Variants in KANK1 observed in about 807,000 individuals in gnomAD.
The protein encoded by KANK1 is KN motif and ankyrin repeat domains 1, also known as KN motif and ankyrin repeat domain-containing protein 1.
In KANK1, 109 loss-of-function variants were observed where a neutral mutation model predicts 106.2. That is an observed-to-expected ratio of 1.03 (90% CI 0.88 to 1.20). The LOEUF is 1.20. Among genes scored for constraint, KANK1 ranks in the 50% most tolerant of loss-of-function variants. KANK1 has a pLI of 0.00. For missense variants in KANK1, 2,399 were observed against 1,710.7 expected, an observed-to-expected ratio of 1.40 and a Z score of -7.10; for synonymous variants, 873 against 652.2, an observed-to-expected ratio of 1.34 and a Z score of -5.16.
At chr9:497,403 T>C (rs1033651411) in intron 3 of KANK1, among the ~76,000 whole-genome samples, 4 of 151,278 alleles carry the variant, frequency 2.6e-5, no homozygotes, top group East Asian at 1.9e-4. Flanking sequence ...GGGAGACTCA[T>C]TGGTGCTCAG....
chr9:529,253 A>T (rs1324480394), intron 1 of KANK1, among the ~76,000 whole-genome samples: 1 of 151,032 alleles, frequency 6.6e-6, no homozygotes, highest in South Asian at 2.1e-4. Flanking sequence ...ACACACACAC[A>T]CATATACACA....
chr9:605,836 T>C (rs1828971355), intron 1 of KANK1, among the ~76,000 whole-genome samples: 2 of 151,728 alleles, frequency 1.3e-5, no homozygotes, highest in South Asian at 2.1e-4. Flanking sequence ...GATTTTATTA[T>C]GGGTTGAGCA....
chr9:497,790 G>A (rs2058480290), intron 3 of KANK1, among the ~76,000 whole-genome samples: 1 of 151,686 alleles, frequency 6.6e-6, no homozygotes, highest in South Asian at 2.1e-4. Context: ...GAGGTCAAGG[G>A]TGCAGTGAGC....
chr9:536,576 G>A (rs542644136), intron 1 of KANK1, among the ~76,000 whole-genome samples: 1 of 152,054 alleles, frequency 6.6e-6, no homozygotes, highest in Non-Finnish European at 1.5e-5. Flanking sequence ...TCCCTTTTAC[G>A]CCTGACATTT....
chr9:601,994 A>C lies in KANK1; in HGVS notation c.-83-74896A>C, dbSNP rs115710731. On this transcript the variant is annotated intron_variant, in intron 1 of 11. Coordinates refer to ENST00000382297, the MANE Select transcript of KANK1 (RefSeq NM_015158.5). Reference sequence around the variant, plus strand: ...TCTTTCCTGTGAACATGGTTGTACCAGGTCTGAAACTCGTTTTTAACACTT... The same window carrying C: ...TCTTTCCTGTGAACATGGTTGTACCCGGTCTGAAACTCGTTTTTAACACTT... Among the ~76,000 whole-genome samples the C allele has an allele frequency of 5.1e-4, 78 of 152,018 alleles. 2 individuals are homozygous for C. The highest frequency in any genetic ancestry group is 1.7e-3 in the African/African-American group (72 of 41,270).
intron 1 of KANK1, among the ~76,000 whole-genome samples, chr9:510,330 G>A (rs2058975559): frequency 6.6e-6 from 1 of 152,114 alleles, no homozygotes; most frequent in African/African-American, 2.4e-5. Flanking sequence ...AAGGATATAA[G>A]AAGGATCATA....
At chr9:687,166 A>G (rs1405687390) in intron 2 of KANK1, among the ~76,000 whole-genome samples, 2 of 152,146 alleles carry the variant, frequency 1.3e-5, no homozygotes, top group Non-Finnish European at 2.9e-5. Flanking sequence ...TTAAATGACC[A>G]TACAGATGTA....
At chr9:684,146 C>G (rs1368721002) in intron 2 of KANK1, 6 of 984,428 alleles carry the variant, frequency 6.1e-6, no homozygotes, top group African/African-American at 1.8e-5. Flanking sequence ...TTGTTTTAAC[C>G]TGTAGCCAGC....
At chr9:601,581 T>C (rs972604764) in intron 1 of KANK1, among the ~76,000 whole-genome samples, 5 of 152,052 alleles carry the variant, frequency 3.3e-5, no homozygotes, top group South Asian at 2.1e-4. Context: ...AACTGGTTAC[T>C]TGATGTCAGT....
At chr9:656,988 G>T (rs747906283) in intron 1 of KANK1, among the ~76,000 whole-genome samples, 1 of 152,072 alleles carries the variant, frequency 6.6e-6, no homozygotes, top group African/African-American at 2.4e-5. Flanking sequence ...CAGATCTCTA[G>T]AACTTTTCCA....
chr9:673,796 T>A (rs1396372449), intron 1 of KANK1: 1 of 152,054 alleles, frequency 6.6e-6, no homozygotes, highest in African/African-American at 2.4e-5. Context: ...GTCTTCTGTT[T>A]GCCTTCAAGG....
At chr9:684,726 C>T (rs1182125775) in intron 2 of KANK1, among the ~76,000 whole-genome samples, 2 of 152,146 alleles carry the variant, frequency 1.3e-5, no homozygotes, top group Non-Finnish European at 2.9e-5. Context: ...AGTTCATCTC[C>T]TTTGTGCAGT....
At chr9:615,623 G>A (rs776965746) in intron 1 of KANK1, among the ~76,000 whole-genome samples, 7 of 152,170 alleles carry the variant, frequency 4.6e-5, no homozygotes, top group African/African-American at 1.4e-4. Flanking sequence ...TTTAGGTAAA[G>A]ACTTAATTAA....
At chr9:553,466 G>A (rs571205187) in intron 1 of KANK1, among the ~76,000 whole-genome samples, 123 of 152,184 alleles carry the variant, frequency 8.1e-4, no homozygotes, top group African/African-American at 2.9e-3. Context: ...GCACGCAGGT[G>A]GAAAGTGATC....
At position 507,910 on chromosome 9, in the gene KANK1, T is replaced by A. The variant is rs1587339794; in HGVS notation, c.-84+3156T>A. The stretch of plus-strand genomic sequence containing the variant: ...CGTGTTGGTCAGGCTGGTCTCCAAC[T>A]CCTGACCTTGTGATCCGCCCACCTC... On this transcript the variant is annotated intron_variant, in intron 1 of 11. Transcript: ENST00000382297. 2.0e-5 allele frequency among the ~76,000 whole-genome samples: 3 copies of A among 152,008 alleles called. No individual in the cohort carries two copies. The South Asian group carries it at 6.2e-4, about 32-fold the overall frequency.
chr9:474,473 C>T (rs1385233426), intron 3 of KANK1, among the ~76,000 whole-genome samples: 10 of 152,190 alleles, frequency 6.6e-5, no homozygotes, highest in African/African-American at 2.2e-4. Context: ...ATGTGAAAAA[C>T]TGAACAAGGT....
rs36217612 is a variant in KANK1, at chr9:506,527, G to GGTGT, written c.-84+1791_-84+1794dup. 3.9e-4 allele frequency among the ~76,000 whole-genome samples: 58 copies of GGTGT among 149,648 alleles called. No individual in the cohort carries two copies. In the East Asian group the frequency reaches 6.3e-3, roughly 16 times the overall value. Reference sequence around the variant, plus strand: ...TCTGCCTCAGCGAAAGTGAGTTCTGGGTGTGTGTGTGTGTGTGTGTGCGTG... The same window carrying GGTGT: ...TCTGCCTCAGCGAAAGTGAGTTCTGGGTGTGTGTGTGTGTGTGTGTGTGTGCGTG... On this transcript the variant is annotated intron_variant, in intron 1 of 11. Transcript: ENST00000382297.
intron 1 of KANK1, among the ~76,000 whole-genome samples, chr9:534,864 T>TG (rs1366255128): frequency 2.6e-5 from 4 of 152,248 alleles, no homozygotes; most frequent in Non-Finnish European, 5.9e-5. Flanking sequence ...ATTTTGCCCA[T>TG]GTGGGAACAA....
At chr9:611,153 T>C (rs1830455564) in intron 1 of KANK1, among the ~76,000 whole-genome samples, 2 of 152,196 alleles carry the variant, frequency 1.3e-5, no homozygotes, top group African/African-American at 2.4e-5. Flanking sequence ...AGGAGGTTTT[T>C]TGGCCTTCAG....
Sources: gnomAD v4.1 joint callset for allele counts (sites outside exome capture counted in the v4.1 genomes callset) on GRCh38, gnomAD v4.1.1 for gene constraint, MANE v1.5 for transcripts, NCBI Gene and HGNC (gene_info 2026-07-23, HGNC 2026-07-21) for gene names.